Variants in GRID1 observed in about 807,000 individuals in gnomAD.
GRID1 encodes glutamate receptor ionotropic, delta-1.
A neutral mutation model predicts 98.0 loss-of-function variants in GRID1; 28 were observed. The observed-to-expected ratio is 0.29, with a 90% confidence interval of 0.21 to 0.39. The LOEUF (loss-of-function observed/expected upper bound fraction) is 0.39. GRID1 is among the 10% of genes least tolerant of loss of function. GRID1 has a pLI of 1.00. For missense variants in GRID1, 1,111 were observed against 1,340.5 expected, an observed-to-expected ratio of 0.83 and a Z score of 2.67; for synonymous variants, 553 against 538.5, an observed-to-expected ratio of 1.03 and a Z score of -0.37.
Position 86,121,505 on chromosome 10 carries a change from CCAT to C in GRID1, c.726+17311_726+17313del, listed in dbSNP as rs574118971. Among the ~76,000 whole-genome samples, 11 of 15,860 alleles carry C rather than the reference CCAT, an allele frequency of 6.9e-4. No homozygotes were observed. In the South Asian group the frequency reaches 0.017, roughly 25 times the overall value. The allele number at this position is 15,860 out of a possible 152,430, so 10.4% of individuals were successfully genotyped here. A position where few individuals can be genotyped will look rare whatever the true frequency, so the allele number is the denominator to read the frequency against. ...ACCATCATCACCATCATCACCATCA[CCAT>C]CATCATCACTACCATCATCACCATC... On this transcript the variant is annotated intron_variant, in intron 4 of 15. Transcript: ENST00000327946.
chr10:86,171,669 G>T (rs1041146940), intron 3 of GRID1, among the ~76,000 whole-genome samples: 1 of 152,222 alleles, frequency 6.6e-6, no homozygotes, highest in Non-Finnish European at 1.5e-5. Context: ...AAGACAGATG[G>T]TTTTAAAGAC....
rs1383253811 is a variant in GRID1 at position 85,774,732 on chromosome 10, C to T, written c.1234-45118G>A. On this transcript the variant is annotated intron_variant, in intron 8 of 15. Coordinates refer to ENST00000327946, the MANE Select transcript of GRID1 (RefSeq NM_017551.3). The stretch of plus-strand genomic sequence containing the variant: ...CAAAAAACACATGAAAAAATGCTCA[C>T]CATCACTGGCCATCAGAGAAATGCA... 5.3e-5 allele frequency among the ~76,000 whole-genome samples: 8 copies of T among 150,042 alleles called. No homozygotes were observed. The South Asian group carries it at 6.4e-4, about 12-fold the overall frequency.
At chr10:86,034,792 G>A (rs1326792500) in intron 4 of GRID1, among the ~76,000 whole-genome samples, 3 of 152,090 alleles carry the variant, frequency 2.0e-5, no homozygotes, top group Non-Finnish European at 4.4e-5. Flanking sequence ...GATTGTGCCT[G>A]GATGAACAGA....
chr10:86,356,457 T>C (rs1848534720), intron 2 of GRID1, among the ~76,000 whole-genome samples: 1 of 152,234 alleles, frequency 6.6e-6, no homozygotes, highest in Admixed American at 6.5e-5. Flanking sequence ...CCCTTGTGAC[T>C]GGCTGTGGCC....
At position 85,928,273 on chromosome 10, in the gene GRID1, A is replaced by G. The variant is rs149869127; in HGVS notation, c.727-12034T>C. Among the ~76,000 whole-genome samples, 364 of 152,332 alleles carry G rather than the reference A, an allele frequency of 2.4e-3. 3 individuals carry two copies. Among genetic ancestry groups the G allele is most frequent in the African/African-American group, 8.3e-3 (346 of 41,588 alleles). ...TGGGAGCTTGAGACCAGCCTGGGCAATATAGCAAGATTGCATCTCTAAAAC... is the reference window on the plus strand; with the variant it reads ...TGGGAGCTTGAGACCAGCCTGGGCAGTATAGCAAGATTGCATCTCTAAAAC... On this transcript the variant is annotated intron_variant, in intron 4 of 15. Transcript: ENST00000327946.
chr10:85,690,375 C>T (rs1309175680), intron 12 of GRID1, among the ~76,000 whole-genome samples: 1 of 152,120 alleles, frequency 6.6e-6, no homozygotes, highest in African/African-American at 2.4e-5. Flanking sequence ...CACTTTATGA[C>T]ATTCAACTAA....
At chr10:85,830,931 C>T (rs887706295) in intron 8 of GRID1, among the ~76,000 whole-genome samples, 1 of 152,094 alleles carries the variant, frequency 6.6e-6, no homozygotes, top group African/African-American at 2.4e-5. Context: ...AACAAAATTA[C>T]TATTTCACCC....
chr10:86,052,656 A>G (rs1332888830), intron 4 of GRID1: 1 of 152,214 alleles, frequency 6.6e-6, no homozygotes, highest in African/African-American at 2.4e-5. Context: ...ACACAAAAAT[A>G]AAAGAAACTC....
intron 12 of GRID1, among the ~76,000 whole-genome samples, chr10:85,702,296 C>T (rs1217026657): frequency 6.6e-6 from 1 of 151,892 alleles, no homozygotes. Flanking sequence ...CTTATATAGT[C>T]ATTAATATTG....
At chr10:85,954,180 A>G (rs940888459) in intron 4 of GRID1, among the ~76,000 whole-genome samples, 1 of 152,222 alleles carries the variant, frequency 6.6e-6, no homozygotes, top group Non-Finnish European at 1.5e-5. Flanking sequence ...CCAGAAAACA[A>G]CATCATGAAA....
At chr10:86,078,194 T>C (rs1419395516) in intron 4 of GRID1, among the ~76,000 whole-genome samples, 1 of 152,246 alleles carries the variant, frequency 6.6e-6, no homozygotes, top group Non-Finnish European at 1.5e-5. Context: ...GCTGTGATCA[T>C]ACAGCTTATC....
At chr10:86,246,421 C>T (rs1350451896) in intron 2 of GRID1, among the ~76,000 whole-genome samples, 2 of 152,196 alleles carry the variant, frequency 1.3e-5, no homozygotes, top group African/African-American at 4.8e-5. Context: ...TGGCCACCAA[C>T]AGAAGGAACA....
intron 8 of GRID1, among the ~76,000 whole-genome samples, chr10:85,771,775 T>G (rs1323658447): frequency 6.6e-6 from 1 of 152,082 alleles, no homozygotes; most frequent in African/African-American, 2.4e-5. Flanking sequence ...GAGCTAACTA[T>G]CCTAAATATA....
At chr10:86,257,011 C>T (rs1846930989) in intron 2 of GRID1, among the ~76,000 whole-genome samples, 1 of 152,246 alleles carries the variant, frequency 6.6e-6, no homozygotes. Context: ...TAGTGCATCT[C>T]CCTAGCACTG....
chr10:85,606,070 GC>G (rs1842657511), intron 15 of GRID1: 2 of 152,280 alleles, frequency 1.3e-5, no homozygotes, highest in African/African-American at 4.8e-5. Flanking sequence ...ATCAAGGCCA[GC>G]CCTCAGACTG....
At chr10:86,058,235 G>A (rs1206173419) in intron 4 of GRID1, among the ~76,000 whole-genome samples, 3 of 152,174 alleles carry the variant, frequency 2.0e-5, no homozygotes, top group Admixed American at 6.5e-5. Context: ...TGGAACACTT[G>A]TGTGCAGAAC....
intron 8 of GRID1, among the ~76,000 whole-genome samples, chr10:85,744,286 T>A (rs1246109537): frequency 6.6e-6 from 1 of 152,180 alleles, no homozygotes; most frequent in Non-Finnish European, 1.5e-5. Context: ...GAATTCAAGC[T>A]AAAGAAGAGA....
intron 4 of GRID1, among the ~76,000 whole-genome samples, chr10:85,963,807 T>C (rs554479176): frequency 2.0e-5 from 3 of 152,334 alleles, no homozygotes; most frequent in South Asian, 4.1e-4. Context: ...CATTATGAGA[T>C]GAAAACAAGC....
chr10:85,613,718 G>C (rs561550056), intron 14 of GRID1, 71 bp from the exon 15 acceptor site: 1 of 1,544,868 alleles, frequency 6.5e-7, no homozygotes, highest in Non-Finnish European at 8.8e-7. Context: ...CCTGGCCCCT[G>C]CCCCACCATG....
Sources: allele counts gnomAD v4.1 joint callset (sites outside exome capture counted in the v4.1 genomes callset), GRCh38; gene constraint gnomAD v4.1.1; transcripts MANE v1.5; gene names NCBI Gene and HGNC (gene_info 2026-07-23, HGNC 2026-07-21).